The following SCML4 variants were observed in gnomAD, a reference collection of about 807,000 sequenced individuals.
SCML4 encodes the protein sex comb on midleg-like protein 4.
In SCML4, 34 loss-of-function variants were observed where a neutral mutation model predicts 41.1. The observed-to-expected ratio is 0.83, with a 90% CI of 0.63 to 1.10. SCML4 has a LOEUF of 1.10. Ranked by LOEUF, SCML4 falls within the 50% of genes least tolerant of loss-of-function variation. The probability of loss-of-function intolerance (pLI) is 0.00; values close to 1 mark genes in which losing one functional copy is unlikely to be tolerated. For synonymous variants in SCML4, 214 were observed against 220.9 expected (o/e 0.97, Z 0.28); for missense variants, 522 against 534.1 (o/e 0.98, Z 0.22).
At chr6:107,742,832 C>A (rs1777711889) in intron 5 of SCML4, among the ~76,000 whole-genome samples, 1 of 151,760 alleles carries the variant, frequency 6.6e-6, no homozygotes, top group Admixed American at 6.6e-5. Context: ...AAAAAAAACA[C>A]TGCGGGTACA....
At chr6:107,705,854 C>T (rs1349824579) in intron 7 of SCML4, among the ~76,000 whole-genome samples, 1 of 152,188 alleles carries the variant, frequency 6.6e-6, no homozygotes, top group Non-Finnish European at 1.5e-5. Context: ...CTAAAGAATG[C>T]CCCTGCTTCA....
rs1773278028 is a variant in SCML4, at chr6:107,702,660, C to T, written c.*2540G>A. 6.6e-6 allele frequency among the ~76,000 whole-genome samples: 1 copy of T among 152,214 alleles called. No individual in the cohort carries two copies. The highest frequency in any genetic ancestry group is 1.5e-5 in the Non-Finnish European group (1 of 68,050). On this transcript the variant is annotated 3_prime_UTR_variant, in exon 8 of 8. Coordinates refer to ENST00000369020, the MANE Select transcript of SCML4 (RefSeq NM_198081.5). ...GCTGTTTTGAGGGAAATGTATCTAACTCTAAACCAGCAGTGAGCACTTACG... is the reference window on the plus strand; with the variant it reads ...GCTGTTTTGAGGGAAATGTATCTAATTCTAAACCAGCAGTGAGCACTTACG...
At chr6:107,726,644 G>T (rs1048170792) in intron 5 of SCML4, among the ~76,000 whole-genome samples, 2 of 151,714 alleles carry the variant, frequency 1.3e-5, no homozygotes, top group African/African-American at 4.9e-5. Context: ...TATACAAATG[G>T]CCAGTAGGCA....
At chr6:107,836,488 C>G in the SCML4 span, among the ~76,000 whole-genome samples, 2 of 152,184 alleles carry the variant, frequency 1.3e-5, no homozygotes, top group African/African-American at 4.8e-5. Flanking sequence ...ACCACAAGGC[C>G]TGGGGTCTTT....
chr6:107,755,693 T>C (rs1455082466), intron 2 of SCML4: 3 of 1,138,764 alleles, frequency 2.6e-6, no homozygotes, highest in Non-Finnish European at 3.5e-6. Context: ...CTGTCTATTT[T>C]GTTTTTTAAA....
chr6:107,707,839 C>G (rs768815379), intron 7 of SCML4, 27 bp downstream of exon 7: 62 of 1,551,652 alleles, frequency 4.0e-5, no homozygotes, highest in Non-Finnish European at 4.7e-5. Context: ...TCAATCCCCC[C>G]CAAGGTCAAA....
chr6:107,775,237 T>G (rs886169787), intron 1 of SCML4, among the ~76,000 whole-genome samples: 5 of 152,240 alleles, frequency 3.3e-5, no homozygotes, highest in African/African-American at 1.2e-4. Flanking sequence ...CAGTTCCCTT[T>G]GCCTGGAATG....
intron 1 of SCML4, among the ~76,000 whole-genome samples, chr6:107,780,141 C>G (rs1288438290): frequency 6.6e-6 from 1 of 152,092 alleles, no homozygotes; most frequent in Non-Finnish European, 1.5e-5. Flanking sequence ...GGCTGATGGC[C>G]CACAGCTGGA....
At chr6:107,805,134 A>G (rs1248671240) in intron 1 of SCML4, among the ~76,000 whole-genome samples, 2 of 152,300 alleles carry the variant, frequency 1.3e-5, no homozygotes, top group East Asian at 1.9e-4. Context: ...AGTAGGCTTG[A>G]GGCAGGAAGT....
Position 107,707,972 on chromosome 6 carries a change from G to A in SCML4, c.1013C>T (p.Pro338Leu). Residue 338 changes from proline (P) to leucine (L), a missense_variant, in exon 7 of 8, where the codon CCA becomes CTA. Physicochemically the swap from Pro to Leu is moderately conservative, Grantham distance 98. Transcript: ENST00000369020. The part of the protein sequence containing the change: ...PSQDAQDARR[P>L]RSRNPSAWTV... ...CCAGGCGGAGGGGTTCCTGCTCCGT[G>A]GCCGCCTGGCATCCTGCGCATCCTG... The A allele has an allele frequency of 6.4e-7, 1 of 1,551,486 alleles. No homozygotes were observed. The highest frequency in any genetic ancestry group is 8.7e-7 in the Non-Finnish European group (1 of 1,147,002).
chr6:107,802,009 G>A (rs1208251060), intron 1 of SCML4, among the ~76,000 whole-genome samples: 4 of 151,768 alleles, frequency 2.6e-5, no homozygotes, highest in African/African-American at 4.9e-5. Context: ...CTAGCCTCAT[G>A]ATCTGCCCGC....
chr6:107,747,161 A>C (rs1295581763), intron 3 of SCML4, among the ~76,000 whole-genome samples: 1 of 152,242 alleles, frequency 6.6e-6, no homozygotes, highest in Non-Finnish European at 1.5e-5. Flanking sequence ...TGAAATCTGA[A>C]TTAAAGACCA....
chr6:107,772,292 G>C lies in SCML4; in HGVS notation c.36C>G (p.Gly12=). ...QSQRIPGRKR[G]RPSLHSTPMK... ...TAGGCGTGGAGTGAAGTGAGGGTCG[G>C]CCTCGCTTTCTCCCCGGGATCCTTT... Residue 12 remains glycine (G), a synonymous_variant, in exon 2 of 8, where the codon GGC becomes GGG. Transcript: ENST00000369020. 1 of 1,551,598 alleles carries C rather than the reference G, an allele frequency of 6.4e-7. No homozygotes were observed. The highest frequency in any genetic ancestry group is 2.4e-5 in the East Asian group (1 of 40,908).
At chr6:107,716,902 T>A (rs1029505190) in intron 6 of SCML4, among the ~76,000 whole-genome samples, 1 of 151,976 alleles carries the variant, frequency 6.6e-6, no homozygotes, top group African/African-American at 2.4e-5. Context: ...TTCCGTCTTC[T>A]CCCCACCCAC....
rs752214060 is a variant in SCML4, at chr6:107,744,968, C to G, written c.663G>C (p.Glu221Asp). The G allele has an allele frequency of 1.2e-6, 2 of 1,611,806 alleles. No homozygotes were observed. Among genetic ancestry groups the G allele is most frequent in the African/African-American group, 1.3e-5 (1 of 74,956 alleles). The part of the protein sequence containing the change: ...CSASEKVQEK[E>D]EGRMESVKTV... ...GCCTACCTGATTCCATCCTCCCTTC[C>G]TCTTTCTCCTGGACTTTCTCAGAGG... is the stretch of plus-strand genomic sequence containing the variant. Residue 221 changes from glutamate to aspartate, a missense_variant, in exon 5 of 8, where the codon GAG becomes GAC. Glu to Asp is a conservative substitution (Grantham distance 45, BLOSUM62 2). Coordinates refer to ENST00000369020, the MANE Select transcript of SCML4 (RefSeq NM_198081.5).
chr6:107,830,444 G>A, the SCML4 span, among the ~76,000 whole-genome samples: 1 of 152,160 alleles, frequency 6.6e-6, no homozygotes, highest in Non-Finnish European at 1.5e-5. Context: ...TTGGATGGGT[G>A]AGGGCAGGTG....
intron 5 of SCML4, among the ~76,000 whole-genome samples, chr6:107,736,168 G>A (rs1024449771): frequency 2.0e-5 from 3 of 152,212 alleles, no homozygotes; most frequent in African/African-American, 7.2e-5. Flanking sequence ...AACATCCCGT[G>A]TGGGAAAGGC....
Position 107,740,395 on chromosome 6 carries a change from A to G in SCML4, c.682+4554T>C, listed in dbSNP as rs74379716. On this transcript the variant is annotated intron_variant, in intron 5 of 7. Transcript: ENST00000369020. The stretch of plus-strand genomic sequence containing the variant: ...AATTTTGGAGAAAATGATCCAGTGC[A>G]TGGCTTCAGTGTGAACACATGAATA... 7.5e-4 allele frequency among the ~76,000 whole-genome samples: 114 copies of G among 152,338 alleles called. 1 individual carries two copies. In the East Asian group the frequency reaches 0.021, roughly 29 times the overall value.
chr6:107,827,710 C>A (rs17068861), upstream of SCML4, among the ~76,000 whole-genome samples: 393 of 152,296 alleles, frequency 2.6e-3, 19 homozygotes, highest in East Asian at 0.056. Flanking sequence ...TCTCAGACCA[C>A]AAGCAGCATG....
Sources: allele counts gnomAD v4.1 joint callset (sites outside exome capture counted in the v4.1 genomes callset), GRCh38; gene constraint gnomAD v4.1.1; transcripts MANE v1.5; gene names NCBI Gene and HGNC (gene_info 2026-07-23, HGNC 2026-07-21).